CABLES1: variants seen among roughly 807,000 people sequenced by gnomAD.
CABLES1 encodes Cdk5 and Abl enzyme substrate 1, also known as CDK5 and ABL1 enzyme substrate 1.
CABLES1 carries 36 observed loss-of-function variants against 57.8 expected under a neutral mutation model. The ratio of observed to expected loss-of-function variants is 0.62; its 90% CI spans 0.48 to 0.82. The LOEUF (loss-of-function observed/expected upper bound fraction) is 0.82, where lower values mean the gene tolerates loss of function less well. Among genes scored for constraint, CABLES1 ranks in the 40% least tolerant of loss-of-function variants. The pLI is 0.00. For missense variants in CABLES1, 767 were observed against 836.6 expected (o/e 0.92, Z 1.03); for synonymous variants, 374 against 363.0 (o/e 1.03, Z -0.35).
intron 4 of CABLES1, among the ~76,000 whole-genome samples, chr18:23,226,203 AC>A (rs2047525991): frequency 6.6e-6 from 1 of 152,316 alleles, no homozygotes; most frequent in Admixed American, 6.5e-5. Flanking sequence ...GGAGTTCAAG[AC>A]CAGCCTGGCC....
intron 1 of CABLES1, among the ~76,000 whole-genome samples, chr18:23,178,521 C>G (rs1292110178): frequency 6.6e-6 from 1 of 152,238 alleles, no homozygotes; most frequent in Non-Finnish European, 1.5e-5. Context: ...TGTGTTCTGA[C>G]CTTCCCTCTA....
At chr18:23,170,131 A>G (rs1186477433) in intron 1 of CABLES1, among the ~76,000 whole-genome samples, 2 of 152,160 alleles carry the variant, frequency 1.3e-5, no homozygotes, top group Admixed American at 6.5e-5. Context: ...TCCCCCGGCC[A>G]TGTGGATGTA....
chr18:23,160,452 A>C (rs1022157330), intron 1 of CABLES1, among the ~76,000 whole-genome samples: 1 of 152,218 alleles, frequency 6.6e-6, no homozygotes, highest in Non-Finnish European at 1.5e-5. Context: ...AGTGCCGGGC[A>C]CATGGTATAC....
intron 4 of CABLES1, among the ~76,000 whole-genome samples, chr18:23,229,931 AT>A (rs2047555006): frequency 6.6e-6 from 1 of 152,228 alleles, no homozygotes; most frequent in African/African-American, 2.4e-5. Flanking sequence ...AAGAACAGCA[AT>A]TTCATGTTTC....
intron 7 of CABLES1, among the ~76,000 whole-genome samples, chr18:23,250,254 CT>C (rs1482338549): frequency 6.6e-6 from 1 of 152,202 alleles, no homozygotes; most frequent in Non-Finnish European, 1.5e-5. Flanking sequence ...TTACTTGAGC[CT>C]GCTCACATCA....
intron 4 of CABLES1, among the ~76,000 whole-genome samples, chr18:23,232,385 C>T (rs1032676359): frequency 6.6e-6 from 1 of 152,218 alleles, no homozygotes; most frequent in Admixed American, 6.5e-5. Flanking sequence ...AAAAGGAAGA[C>T]ACTGCTGTTT....
intron 7 of CABLES1, among the ~76,000 whole-genome samples, chr18:23,245,704 T>C (rs1449044278): frequency 2.6e-5 from 4 of 152,224 alleles, no homozygotes; most frequent in African/African-American, 9.7e-5. Flanking sequence ...TCTCTGGACA[T>C]CTGTGTTGTG....
intron 1 of CABLES1, among the ~76,000 whole-genome samples, chr18:23,156,778 C>T (rs1207533494): frequency 6.6e-6 from 1 of 152,190 alleles, no homozygotes; most frequent in Non-Finnish European, 1.5e-5. Flanking sequence ...AATAAGGCTT[C>T]TTGAACATGT....
Position 23,223,605 on chromosome 18 carries a change from C to CG in CABLES1, c.1088+9558dup, listed in dbSNP as rs796454662. ...AAAAAAAAAAAAAAAAAAAAGTTGG[C>CG]GGGGGGGCATTTTTCCCAAGCTCGG... is the stretch of plus-strand genomic sequence containing the variant. On this transcript the variant is annotated intron_variant, in intron 4 of 9. Coordinates refer to ENST00000256925, the MANE Select transcript of CABLES1 (RefSeq NM_001100619.3). Among the ~76,000 whole-genome samples, 59 of 146,660 alleles carry CG rather than the reference C, an allele frequency of 4.0e-4. No individual in the cohort carries two copies. The South Asian group carries it at 5.2e-3, about 13-fold the overall frequency.
chr18:23,135,647 C>T lies in CABLES1; in HGVS notation c.-116C>T. On this transcript the variant is annotated 5_prime_UTR_variant, in exon 1 of 10. Coordinates refer to ENST00000256925, the MANE Select transcript of CABLES1 (RefSeq NM_001100619.3). Reference sequence around the variant, plus strand: ...GGGGGGGCTGGACCGCCGCGCACGCCGCCCGATCCCCGCGCCCTACCCAGC... The same window carrying T: ...GGGGGGGCTGGACCGCCGCGCACGCTGCCCGATCCCCGCGCCCTACCCAGC... The T allele has an allele frequency of 1.1e-6, 1 of 898,630 alleles. No individual in the cohort carries two copies. The highest frequency in any genetic ancestry group is 1.3e-6 in the Non-Finnish European group (1 of 752,232). 55.7% of individuals were successfully genotyped at this position (898,630 alleles called of 1,614,324 possible).
chr18:23,188,776 C>T (rs963749285), intron 1 of CABLES1, 62 bp from the exon 2 acceptor site: 1 of 1,178,776 alleles, frequency 8.5e-7, no homozygotes, highest in South Asian at 1.2e-5. Context: ...TAGATTTGCA[C>T]AAATGTCTGA....
intron 1 of CABLES1, among the ~76,000 whole-genome samples, chr18:23,143,987 A>G (rs1305705340): frequency 1.3e-5 from 2 of 152,210 alleles, no homozygotes; most frequent in East Asian, 3.8e-4. Flanking sequence ...TGTTGCTGCC[A>G]TACTGTGTTG....
intron 6 of CABLES1, among the ~76,000 whole-genome samples, chr18:23,236,493 G>A (rs918385702): frequency 1.3e-5 from 2 of 152,170 alleles, no homozygotes; most frequent in Non-Finnish European, 2.9e-5. Flanking sequence ...GCGGCTGAAG[G>A]AAGACTTGCA....
At chr18:23,235,078 G>A (rs1459243746) in intron 5 of CABLES1, among the ~76,000 whole-genome samples, 1 of 152,148 alleles carries the variant, frequency 6.6e-6, no homozygotes, top group Non-Finnish European at 1.5e-5. Flanking sequence ...CATGGTCCTG[G>A]GAAGCTAAGA....
chr18:23,227,359 T>C (rs538076210), intron 4 of CABLES1, among the ~76,000 whole-genome samples: 1 of 152,348 alleles, frequency 6.6e-6, no homozygotes, highest in African/African-American at 2.4e-5. Flanking sequence ...GATTCTGGAA[T>C]GATCTCATGG....
At chr18:23,198,541 A>C (rs1398893828) in intron 3 of CABLES1, among the ~76,000 whole-genome samples, 3 of 152,170 alleles carry the variant, frequency 2.0e-5, no homozygotes, top group Non-Finnish European at 1.5e-5. Context: ...ACTGAGGCGC[A>C]AATAAGCTGA....
At chr18:23,149,694 G>C (rs146697967) in intron 1 of CABLES1, 2 of 152,228 alleles carry the variant, frequency 1.3e-5, no homozygotes. Context: ...GACCAGCGGC[G>C]GCCAGGAACT....
chr18:23,205,122 A>T (rs2047353438), intron 3 of CABLES1, among the ~76,000 whole-genome samples: 1 of 151,432 alleles, frequency 6.6e-6, no homozygotes, highest in Admixed American at 6.6e-5. Context: ...GGATGCAGCT[A>T]CCAGGGCTGT....
intron 1 of CABLES1, among the ~76,000 whole-genome samples, chr18:23,186,201 A>G (rs1023813201): frequency 6.6e-6 from 1 of 152,110 alleles, no homozygotes; most frequent in African/African-American, 2.4e-5. Flanking sequence ...GAGTTGGGAC[A>G]CTCAGCCTGC....
Sources: gnomAD v4.1 joint callset for allele counts (sites outside exome capture counted in the v4.1 genomes callset) on GRCh38, gnomAD v4.1.1 for gene constraint, MANE v1.5 for transcripts, NCBI Gene and HGNC (gene_info 2026-07-23, HGNC 2026-07-21) for gene names.